Variants in ANXA13 observed in about 807,000 individuals in gnomAD.
ANXA13 encodes the protein annexin XIII.
Under a neutral mutation model 46.6 loss-of-function variants are expected in ANXA13, and 36 were observed. That is an observed-to-expected ratio of 0.77 (90% confidence interval 0.59 to 1.02). The LOEUF (loss-of-function observed/expected upper bound fraction) is 1.02, where lower values mean the gene tolerates loss of function less well. ANXA13 is among the 50% of genes least tolerant of loss of function. The probability of loss-of-function intolerance (pLI) is 0.00; values close to 1 mark genes in which losing one functional copy is unlikely to be tolerated. For synonymous variants in ANXA13, 163 were observed against 152.9 expected, an observed-to-expected ratio of 1.07 and a Z score of -0.49; for missense variants, 417 against 396.5, an observed-to-expected ratio of 1.05 and a Z score of -0.44.
intron 3 of ANXA13, among the ~76,000 whole-genome samples, chr8:123,699,799 C>T (rs554072351): frequency 3.4e-4 from 52 of 152,328 alleles, no homozygotes; most frequent in Non-Finnish European, 6.5e-4. Context: ...GCCACAGTAC[C>T]TTTGTGACCT....
chr8:123,723,612 AG>A (rs1813929284), intron 1 of ANXA13, among the ~76,000 whole-genome samples: 2 of 152,174 alleles, frequency 1.3e-5, no homozygotes, highest in African/African-American at 4.8e-5. Context: ...TCACAGTGAA[AG>A]TATTTACACC....
chr8:123,699,330 C>G (rs1050107784), intron 3 of ANXA13, among the ~76,000 whole-genome samples: 1 of 152,202 alleles, frequency 6.6e-6, no homozygotes, highest in African/African-American at 2.4e-5. Context: ...CAGGTACACA[C>G]TGCCATGCTC....
chr8:123,689,467 G>A (rs1310282870), intron 8 of ANXA13, among the ~76,000 whole-genome samples: 2 of 151,924 alleles, frequency 1.3e-5, no homozygotes, highest in African/African-American at 4.8e-5. Flanking sequence ...AGTAGGCATG[G>A]TGAAGTTCAT....
At chr8:123,688,207 GT>G (rs1259736950) in intron 9 of ANXA13, among the ~76,000 whole-genome samples, 1 of 152,120 alleles carries the variant, frequency 6.6e-6, no homozygotes, top group Non-Finnish European at 1.5e-5. Context: ...CATGGGAGTG[GT>G]TTCCCCTCAT....
At chr8:123,736,433 T>G (rs772189303) in intron 1 of ANXA13, among the ~76,000 whole-genome samples, 2 of 152,216 alleles carry the variant, frequency 1.3e-5, no homozygotes, top group Non-Finnish European at 2.9e-5. Flanking sequence ...TTTAGTCAGT[T>G]TTTAGTCATT....
At chr8:123,731,941 T>C (rs1485738271) in intron 1 of ANXA13, among the ~76,000 whole-genome samples, 3 of 152,118 alleles carry the variant, frequency 2.0e-5, no homozygotes, top group Non-Finnish European at 1.5e-5. Context: ...GTAATAGTTA[T>C]GCAGAGAGAA....
Position 123,680,930 on chromosome 8 carries a change from C to G in ANXA13, c.*310G>C, listed in dbSNP as rs1586306834. ...GCATATCCTTCTAAATGTGCCATTA[C>G]AAATGCATAGTTTTTTCATCAACTG... On this transcript the variant is annotated 3_prime_UTR_variant, in exon 11 of 11. Transcript: ENST00000419625. The G allele has an allele frequency of 3.8e-6, 1 of 261,888 alleles. No individual in the cohort carries two copies. Among genetic ancestry groups the G allele is most frequent in the Non-Finnish European group, 7.3e-6 (1 of 137,810 alleles). 16.2% of individuals were successfully genotyped at this position (261,888 alleles called of 1,614,324 possible).
chr8:123,689,146 A>G (rs990668579), intron 8 of ANXA13, among the ~76,000 whole-genome samples, 200 bp from the exon 9 acceptor site: 2 of 151,864 alleles, frequency 1.3e-5, no homozygotes, highest in Admixed American at 6.6e-5. Context: ...CTGAGGAGTC[A>G]GTCTAGATTT....
At chr8:123,716,412 C>T (rs1563615765) in intron 1 of ANXA13, among the ~76,000 whole-genome samples, 1 of 152,092 alleles carries the variant, frequency 6.6e-6, no homozygotes, top group Non-Finnish European at 1.5e-5. Context: ...CTATCAGAGG[C>T]GCCACCATCA....
At chr8:123,726,404 T>C (rs1813993640) in intron 1 of ANXA13, among the ~76,000 whole-genome samples, 1 of 152,238 alleles carries the variant, frequency 6.6e-6, no homozygotes, top group Admixed American at 6.5e-5. Context: ...TGGGCACCAT[T>C]GTACCTGAAG....
rs575415347 is a variant in ANXA13 at position 123,732,217 on chromosome 8, T to A, written c.15+5103A>T. ...ACAATTTACCTAAACTCTCTTTGCC[T>A]TACTTTCCCCATATTTAAAAGGGGA... is the stretch of plus-strand genomic sequence containing the variant. On this transcript the variant is annotated intron_variant, in intron 1 of 10. Coordinates refer to ENST00000419625, the MANE Select transcript of ANXA13 (RefSeq NM_004306.4). Among the ~76,000 whole-genome samples, 8 of 152,344 alleles carry A rather than the reference T, an allele frequency of 5.3e-5. No individual in the cohort carries two copies. In the East Asian group the frequency reaches 1.5e-3, roughly 29 times the overall value.
In ANXA13 at chr8:123,681,240, T is replaced by C; in HGVS notation, c.951A>G (p.Ter317TrpextTer6). ...FRKLLVALLH* is the reference protein window; with the variant it reads ...FRKLLVALLHW The stretch of plus-strand genomic sequence containing the variant: ...TGTGTTCCTATTGCCCTGGCTTGGC[T>C]CAGTGCAAGAGGGCTACTAGCAGTT... Residue 317 changes from the stop codon to tryptophan, a stop_lost, in exon 11 of 11, where the codon TGA (stop) becomes TGG (tryptophan). Coordinates refer to ENST00000419625, the MANE Select transcript of ANXA13 (RefSeq NM_004306.4). The C allele has an allele frequency of 6.2e-7, 1 of 1,607,858 alleles. No individual in the cohort carries two copies. Among genetic ancestry groups the C allele is most frequent in the Non-Finnish European group, 8.5e-7 (1 of 1,176,980 alleles).
intron 5 of ANXA13, 51 bp downstream of exon 5, chr8:123,695,637 T>C (rs1282773187): frequency 6.2e-7 from 1 of 1,611,354 alleles, no homozygotes; most frequent in Non-Finnish European, 8.5e-7. Context: ...TTCCCAGAGG[T>C]ATTTTGAAAG....
At position 123,690,692 on chromosome 8, in the gene ANXA13, A is replaced by G. The variant is rs1813217610; in HGVS notation, c.643-1746T>C. On this transcript the variant is annotated intron_variant, in intron 8 of 10. Transcript: ENST00000419625. The surrounding 1 kb of genome is among the most constrained non-coding windows in gnomAD (Gnocchi z 4.6). Reference sequence around the variant, plus strand: ...AACACATTATAAGGGTAGATTCCAAACAAGTCTCTAAGACTCTAGTTAAAC... The same window carrying G: ...AACACATTATAAGGGTAGATTCCAAGCAAGTCTCTAAGACTCTAGTTAAAC... Among the ~76,000 whole-genome samples the G allele has an allele frequency of 6.6e-6, 1 of 152,268 alleles. No individual in the cohort carries two copies.
chr8:123,719,325 CTCTTTT>C (rs1813817599), intron 1 of ANXA13, among the ~76,000 whole-genome samples: 1 of 152,196 alleles, frequency 6.6e-6, no homozygotes, highest in Non-Finnish European at 1.5e-5. Context: ...CTTTCTCTTT[CTCTTTT>C]TCTTCTTCTT....
At chr8:123,726,721 A>T (rs1814002939) in intron 1 of ANXA13, among the ~76,000 whole-genome samples, 1 of 152,238 alleles carries the variant, frequency 6.6e-6, no homozygotes, top group Admixed American at 6.5e-5. Context: ...CTAGAGGAAA[A>T]GGAGTCATTA....
chr8:123,688,934 C>G lies in ANXA13; in HGVS notation c.655G>C (p.Asp219His). Residue 219 changes from aspartate to histidine, a missense_variant, in exon 9 of 11, where the codon GAC becomes CAC. Coordinates refer to ENST00000419625, the MANE Select transcript of ANXA13 (RefSeq NM_004306.4). ...TCTTCTTCAATGGCTTCTTCTATGT[C>G]TTTGCCAATGAGCTGCAGCGAAAAC... ...FQAYQILIGK[D>H]IEEAIEEETS... 2 of 1,613,772 alleles carry G rather than the reference C, an allele frequency of 1.2e-6. No individual in the cohort carries two copies. The highest frequency in any genetic ancestry group is 1.7e-6 in the Non-Finnish European group (2 of 1,179,786).
At chr8:123,712,451 G>A (rs372112585) in intron 2 of ANXA13, 14 of 561,018 alleles carry the variant, frequency 2.5e-5, no homozygotes, top group Middle Eastern at 4.7e-4. Flanking sequence ...CAAATTAAAC[G>A]TCACAATATC....
intron 2 of ANXA13, 91 bp downstream of exon 2, chr8:123,712,587 A>T: frequency 9.0e-7 from 1 of 1,107,186 alleles, no homozygotes; most frequent in Non-Finnish European, 1.4e-6. Context: ...AGATAGTGAG[A>T]TGTCAGCTTC....
Sources: allele counts gnomAD v4.1 joint callset (sites outside exome capture counted in the v4.1 genomes callset), GRCh38; gene constraint gnomAD v4.1.1; non-coding constraint Gnocchi (gnomAD v3.1); transcripts MANE v1.5; gene names NCBI Gene and HGNC (gene_info 2026-07-23, HGNC 2026-07-21).